The following STAMBPL1 variants were observed in gnomAD, a reference collection of about 807,000 sequenced individuals.
STAMBPL1 encodes the protein AMSH-like protease.
Under a neutral mutation model 52.9 loss-of-function variants are expected in STAMBPL1, and 44 were observed. The observed-to-expected ratio is 0.83, with a 90% CI of 0.65 to 1.07. The LOEUF (loss-of-function observed/expected upper bound fraction) is 1.07, where lower values mean the gene tolerates loss of function less well. Among genes scored for constraint, STAMBPL1 ranks in the 50% least tolerant of loss-of-function variants. The probability of loss-of-function intolerance (pLI) is 0.00; values close to 1 mark genes in which losing one functional copy is unlikely to be tolerated. For missense variants in STAMBPL1, 511 were observed against 520.8 expected (o/e 0.98, Z 0.18); for synonymous variants, 164 against 177.3 (o/e 0.92, Z 0.60).
Position 88,913,460 on chromosome 10 carries a change from T to A in STAMBPL1, c.778+2T>A. 6.2e-7 allele frequency: 1 copy of A among 1,605,956 alleles called. No homozygotes were observed. The highest frequency in any genetic ancestry group is 1.1e-5 in the South Asian group (1 of 89,944). Reference sequence around the variant, plus strand: ...CTGCTACTCTAAGTGCTGTTCAGAGTAAGTGATGAAATGCACCCATGTGAG... The same window carrying A: ...CTGCTACTCTAAGTGCTGTTCAGAGAAAGTGATGAAATGCACCCATGTGAG... On this transcript the variant is annotated splice_donor_variant, in intron 6 of 10. Coordinates refer to ENST00000371926, the MANE Select transcript of STAMBPL1 (RefSeq NM_020799.4). LOFTEE classifies it high-confidence loss of function.
intron 5 of STAMBPL1, among the ~76,000 whole-genome samples, chr10:88,911,319 T>C (rs1845218664): frequency 6.6e-6 from 1 of 152,228 alleles, no homozygotes; most frequent in African/African-American, 2.4e-5. Flanking sequence ...AGATGGCTGC[T>C]CTTTTGCCAG....
chr10:88,916,826 G>A lies in STAMBPL1; in HGVS notation c.1041+9G>A. The A allele has an allele frequency of 6.5e-7, 1 of 1,538,478 alleles. No individual in the cohort carries two copies. Reference sequence around the variant, plus strand: ...CTCTAGGATGGATCCATGTACGTTTGACCTTTTGGGTTTCAGTTTTTTTGT... The same window carrying A: ...CTCTAGGATGGATCCATGTACGTTTAACCTTTTGGGTTTCAGTTTTTTTGT... On this transcript the variant is annotated intron_variant, in intron 8 of 10. Transcript: ENST00000371926.
chr10:88,910,945 A>C lies in STAMBPL1; in HGVS notation c.354A>C (p.Thr118=). ...TGAAGGAGATTGCATTCCCAAGGAC[A>C]GATGAATTGAAAAACGACCTTTTAA... The part of the protein sequence containing the change: ...KKLKEIAFPR[T]DELKNDLLKK... The change falls in exon 5 of 11, where the codon ACA becomes ACC. Residue 118 remains threonine (T), a synonymous_variant. Transcript: ENST00000371926. The C allele has an allele frequency of 1.3e-6, 2 of 1,597,824 alleles. No individual in the cohort carries two copies. The highest frequency in any genetic ancestry group is 8.5e-7 in the Non-Finnish European group (1 of 1,174,822).
At chr10:88,912,739 C>G (rs1362221556) in intron 5 of STAMBPL1, 2 of 171,618 alleles carry the variant, frequency 1.2e-5, no homozygotes, top group Admixed American at 1.2e-4. Flanking sequence ...GGCTAGTGGC[C>G]ACTATATTAG....
chr10:88,889,359 C>A (rs1197017803), intron 1 of STAMBPL1, among the ~76,000 whole-genome samples: 2 of 152,046 alleles, frequency 1.3e-5, no homozygotes, highest in Non-Finnish European at 2.9e-5. Flanking sequence ...TACATTTTAC[C>A]AATCAAATAC....
intron 8 of STAMBPL1, among the ~76,000 whole-genome samples, chr10:88,919,053 A>T (rs1386055215): frequency 6.6e-6 from 1 of 152,212 alleles, no homozygotes; most frequent in African/African-American, 2.4e-5. Context: ...GTTTTTATTA[A>T]GTATAATAAT....
At chr10:88,894,613 A>C (rs1295755805) in intron 1 of STAMBPL1, among the ~76,000 whole-genome samples, 2 of 152,250 alleles carry the variant, frequency 1.3e-5, no homozygotes, top group Admixed American at 1.3e-4. Context: ...AATTTTTATC[A>C]ATGAGAGAAA....
chr10:88,892,999 A>G (rs1028500085), intron 1 of STAMBPL1, among the ~76,000 whole-genome samples: 20 of 152,232 alleles, frequency 1.3e-4, no homozygotes, highest in African/African-American at 4.8e-4. Context: ...GTATTTTCTT[A>G]AAAGCAAAAT....
intron 1 of STAMBPL1, chr10:88,901,139 T>A (rs1844933604): frequency 6.6e-6 from 1 of 152,264 alleles, no homozygotes; most frequent in Non-Finnish European, 1.5e-5. Flanking sequence ...CTTTGCTGTC[T>A]TCTATTGGTT....
Position 88,913,305 on chromosome 10 carries a change from A to G in STAMBPL1, c.625A>G (p.Ser209Gly). 3.7e-6 allele frequency: 6 copies of G among 1,613,910 alleles called. No individual in the cohort carries two copies. The highest frequency in any genetic ancestry group is 5.1e-6 in the Non-Finnish European group (6 of 1,179,850). Residue 209 changes from serine to glycine, a missense_variant, in exon 6 of 11, where the codon AGC becomes GGC. This residue lies in a region of STAMBPL1 where 358 missense variants were observed against 343.5 expected (regional missense o/e 1.04). Coordinates refer to ENST00000371926, the MANE Select transcript of STAMBPL1 (RefSeq NM_020799.4). ...AGGGCTGTCAGAGCAGATTGATGGG[A>G]GCGCTTTGTCCTGCTTTTCCACACA... ...TSGLSEQIDG[S>G]ALSCFSTHQN... is the part of the protein sequence containing the mutation.
intron 1 of STAMBPL1, among the ~76,000 whole-genome samples, chr10:88,884,777 A>G (rs1019711713): frequency 3.9e-5 from 6 of 152,196 alleles, no homozygotes; most frequent in Non-Finnish European, 8.8e-5. Context: ...CAGGCACTGT[A>G]CTAAGCCTTA....
intron 3 of STAMBPL1, among the ~76,000 whole-genome samples, chr10:88,906,114 T>G (rs888730932): frequency 1.3e-5 from 2 of 152,092 alleles, no homozygotes; most frequent in Admixed American, 1.3e-4. Flanking sequence ...ACAGGAAAGA[T>G]CTGATTCAGG....
intron 1 of STAMBPL1, among the ~76,000 whole-genome samples, chr10:88,893,224 A>G (rs1431974189): frequency 6.6e-6 from 1 of 152,216 alleles, no homozygotes; most frequent in Non-Finnish European, 1.5e-5. Context: ...GTGTTTTATA[A>G]TGCATATTAA....
At position 88,923,224 on chromosome 10, in the gene STAMBPL1, A is replaced by C. The variant is rs777708455; in HGVS notation, c.1311A>C (p.Ter437CysextTer43). 6.2e-7 allele frequency: 1 copy of C among 1,604,432 alleles called. No individual in the cohort carries two copies. The highest frequency in any genetic ancestry group is 1.1e-5 in the South Asian group (1 of 88,702). The change falls in exon 11 of 11, where the codon TGA becomes TGC. Residue 437 changes from the stop codon to cysteine (C), a stop_lost. Transcript: ENST00000371926. Reference sequence around the variant, plus strand: ...AAATAATTGTGTTGGATCTGAGGTGATATGTTCTGAATGTAAGCACCGTCA... The same window carrying C: ...AAATAATTGTGTTGGATCTGAGGTGCTATGTTCTGAATGTAAGCACCGTCA... ...DIKIIVLDLR* is the reference protein window; with the variant it reads ...DIKIIVLDLRC
chr10:88,923,482 A>C lies in STAMBPL1; in HGVS notation c.*258A>C. 3 of 1,192,030 alleles carry C rather than the reference A, an allele frequency of 2.5e-6. No homozygotes were observed. The highest frequency in any genetic ancestry group is 3.1e-6 in the Non-Finnish European group (3 of 962,522). 73.8% of individuals were successfully genotyped at this position (1,192,030 alleles called of 1,614,324 possible). A position where few individuals can be genotyped will look rare whatever the true frequency, so the allele number is the denominator to read the frequency against. ...ATGGCCAGATAATAAATTGTGCTGCAAACAACATGTCTTGTATTTATAGAG... is the reference window on the plus strand; with the variant it reads ...ATGGCCAGATAATAAATTGTGCTGCCAACAACATGTCTTGTATTTATAGAG... On this transcript the variant is annotated 3_prime_UTR_variant, in exon 11 of 11. Coordinates refer to ENST00000371926, the MANE Select transcript of STAMBPL1 (RefSeq NM_020799.4).
Position 88,881,733 on chromosome 10 carries a change from C to T in STAMBPL1, c.-54+1095C>T, listed in dbSNP as rs544527252. Among the ~76,000 whole-genome samples, 32 of 152,274 alleles carry T rather than the reference C, an allele frequency of 2.1e-4. 1 individual carries two copies. The South Asian group carries it at 2.5e-3, about 12-fold the overall frequency. On this transcript the variant is annotated intron_variant, in intron 1 of 10. Coordinates refer to ENST00000371926, the MANE Select transcript of STAMBPL1 (RefSeq NM_020799.4). Reference sequence around the variant, plus strand: ...ACGGTTGTTTTACACAGAAATTAAGCCACCGTGTTTTGTTTTTATCCCGAC... The same window carrying T: ...ACGGTTGTTTTACACAGAAATTAAGTCACCGTGTTTTGTTTTTATCCCGAC...
At chr10:88,919,862 A>T (rs1369200643) in intron 8 of STAMBPL1, among the ~76,000 whole-genome samples, 5 of 149,968 alleles carry the variant, frequency 3.3e-5, no homozygotes, top group Non-Finnish European at 5.9e-5. Context: ...TCAAGACAGG[A>T]TCTTGCTCTG....
Position 88,913,944 on chromosome 10 carries a change from C to T in STAMBPL1, c.778+486C>T, listed in dbSNP as rs536173287. Among the ~76,000 whole-genome samples the T allele has an allele frequency of 2.8e-4, 43 of 152,236 alleles. No homozygotes were observed. In the South Asian group the frequency reaches 7.3e-3, roughly 26 times the overall value. ...AACCTCCAAATGGACCGTGTGTTTC[C>T]GCAAGAATTAGTGCTGCTCAGTACT... On this transcript the variant is annotated intron_variant, in intron 6 of 10. Coordinates refer to ENST00000371926, the MANE Select transcript of STAMBPL1 (RefSeq NM_020799.4).
chr10:88,889,799 T>C (rs1453560268), intron 1 of STAMBPL1, among the ~76,000 whole-genome samples: 2 of 152,218 alleles, frequency 1.3e-5, no homozygotes, highest in East Asian at 1.9e-4. Context: ...ACAGATCTTA[T>C]TCAAATTTCA....
Sources: allele counts gnomAD v4.1 joint callset (sites outside exome capture counted in the v4.1 genomes callset), GRCh38; gene constraint gnomAD v4.1.1; regional missense constraint gnomAD v4.1.1; transcripts MANE v1.5; gene names NCBI Gene and HGNC (gene_info 2026-07-23, HGNC 2026-07-21).